The following UBASH3B variants were observed in gnomAD, a reference collection of about 807,000 sequenced individuals.
The protein encoded by UBASH3B is ubiquitin associated and SH3 domain containing B, also known as ubiquitin-associated and SH3 domain-containing protein B.
In UBASH3B, 37 loss-of-function variants were observed where a neutral mutation model predicts 83.4. The ratio of observed to expected loss-of-function variants is 0.44; its 90% confidence interval spans 0.34 to 0.58. The LOEUF is 0.58. UBASH3B is among the 20% of genes least tolerant of loss of function. UBASH3B has a pLI of 0.01. For synonymous variants in UBASH3B, 304 were observed against 318.3 expected (o/e 0.96, Z 0.48); for missense variants, 657 against 827.2 (o/e 0.79, Z 2.52).
intron 1 of UBASH3B, among the ~76,000 whole-genome samples, chr11:122,748,206 C>G (rs1179566971): frequency 6.6e-6 from 1 of 152,232 alleles, no homozygotes; most frequent in African/African-American, 2.4e-5. Context: ...CCAAACAAAT[C>G]GGTGTGGACA....
chr11:122,677,930 C>T (rs1413951952), intron 1 of UBASH3B, among the ~76,000 whole-genome samples: 1 of 152,184 alleles, frequency 6.6e-6, no homozygotes, highest in Non-Finnish European at 1.5e-5. Context: ...CACCACCACA[C>T]CCAGCTCCCA....
intron 1 of UBASH3B, among the ~76,000 whole-genome samples, chr11:122,762,433 G>C (rs1266327646): frequency 6.6e-6 from 1 of 152,138 alleles, no homozygotes; most frequent in African/African-American, 2.4e-5. Flanking sequence ...GCCTGACTGT[G>C]GACACCAGCT....
chr11:122,767,466 A>C (rs1166596201), intron 1 of UBASH3B, among the ~76,000 whole-genome samples: 1 of 151,916 alleles, frequency 6.6e-6, no homozygotes, highest in Non-Finnish European at 1.5e-5. Flanking sequence ...ATGTGCCACC[A>C]TGCGTGGCCA....
intron 1 of UBASH3B, among the ~76,000 whole-genome samples, chr11:122,728,249 G>A (rs1269323663): frequency 1.3e-5 from 2 of 151,172 alleles, no homozygotes; most frequent in Admixed American, 1.3e-4. Flanking sequence ...AGCCGTCCAC[G>A]TCATTTCTGT....
At position 122,806,845 on chromosome 11, in the gene UBASH3B, G is replaced by A. The variant is rs1861349212; in HGVS notation, c.1702+329G>A. On this transcript the variant is annotated intron_variant, in intron 12 of 13. Transcript: ENST00000284273. This position sits in a 1 kb window ranked among gnomAD's most constrained non-coding sequence, Gnocchi z 4.0. ...CACTGTTTTGCCTATAATTGATGCA[G>A]CGGCATGCACACCTACACACAGCAC... Among the ~76,000 whole-genome samples, 1 of 152,124 alleles carries A rather than the reference G, an allele frequency of 6.6e-6. No homozygotes were observed. The highest frequency in any genetic ancestry group is 2.1e-4 in the South Asian group (1 of 4,826).
intron 1 of UBASH3B, among the ~76,000 whole-genome samples, chr11:122,736,189 T>G (rs1860928998): frequency 6.6e-6 from 1 of 151,902 alleles, no homozygotes; most frequent in Non-Finnish European, 1.5e-5. Flanking sequence ...TCTTGTTATT[T>G]CAGCTTTGTG....
At chr11:122,772,605 T>TC (rs1860664461) in intron 1 of UBASH3B, among the ~76,000 whole-genome samples, 1 of 152,034 alleles carries the variant, frequency 6.6e-6, no homozygotes, top group African/African-American at 2.4e-5. Context: ...TCCTTCAAGG[T>TC]CATGAGAGAT....
At position 122,779,589 on chromosome 11, in the gene UBASH3B, G is replaced by C. The variant is rs1356607924; in HGVS notation, c.495G>C (p.Glu165Asp). Reference protein sequence around the residue: ...KCKFSAPLPLELYTSSNFIGL... With the variant: ...KCKFSAPLPLDLYTSSNFIGL... Reference sequence around the variant, plus strand: ...AGTTCTCGGCCCCGCTGCCCCTGGAGCTCTATACGTCGTCCAACTTCATCG... The same window carrying C: ...AGTTCTCGGCCCCGCTGCCCCTGGACCTCTATACGTCGTCCAACTTCATCG... Residue 165 changes from glutamate to aspartate, a missense_variant, in exon 4 of 14, where the codon GAG (glutamate) becomes GAC (aspartate). Coordinates refer to ENST00000284273, the MANE Select transcript of UBASH3B (RefSeq NM_032873.5). The C allele has an allele frequency of 6.2e-7, 1 of 1,614,198 alleles. No individual in the cohort carries two copies. The highest frequency in any genetic ancestry group is 8.5e-7 in the Non-Finnish European group (1 of 1,180,036).
intron 6 of UBASH3B, 115 bp downstream of exon 6, chr11:122,789,423 C>A: frequency 1.7e-6 from 2 of 1,146,654 alleles, no homozygotes; most frequent in South Asian, 1.4e-5. Flanking sequence ...CCTGTGGATT[C>A]CAGAATTCCA....
At chr11:122,809,712 C>T in intron 13 of UBASH3B, 37 bp from the exon 14 acceptor site, 1 of 1,611,224 alleles carries the variant, frequency 6.2e-7, no homozygotes, top group Non-Finnish European at 8.5e-7. Flanking sequence ...TTAAACCTAT[C>T]TCCTAATATC....
chr11:122,657,253 AT>A (rs1336969137), intron 1 of UBASH3B, among the ~76,000 whole-genome samples: 1 of 151,294 alleles, frequency 6.6e-6, no homozygotes, highest in Non-Finnish European at 1.5e-5. Flanking sequence ...AGTCCTTTTT[AT>A]TTTTTTCCCT....
intron 1 of UBASH3B, among the ~76,000 whole-genome samples, chr11:122,730,485 G>A (rs1409545407): frequency 6.6e-6 from 1 of 152,086 alleles, no homozygotes; most frequent in Non-Finnish European, 1.5e-5. Context: ...ACCCAGAGAG[G>A]CCTATCCTAA....
intron 5 of UBASH3B, among the ~76,000 whole-genome samples, chr11:122,788,485 C>T (rs185991229): frequency 1.5e-4 from 23 of 152,270 alleles, no homozygotes; most frequent in Admixed American, 2.6e-4. Context: ...AAGAGAATCA[C>T]TTGAACCCAG....
intron 1 of UBASH3B, among the ~76,000 whole-genome samples, chr11:122,741,013 G>A (rs990220661): frequency 6.6e-6 from 1 of 152,114 alleles, no homozygotes; most frequent in Admixed American, 6.6e-5. Flanking sequence ...ACTTCAAAGC[G>A]CATATTAACA....
In UBASH3B at chr11:122,811,437, A is replaced by G. The variant is rs892904845; in HGVS notation, c.*1551A>G. 1.3e-5 allele frequency: 2 copies of G among 152,204 alleles called. No homozygotes were observed. Among genetic ancestry groups the G allele is most frequent in the Admixed American group, 1.3e-4 (2 of 15,278 alleles). The allele number at this position is 152,204 out of a possible 1,614,324, so 9.4% of individuals were successfully genotyped here. ...TACAACTTGATAACCCCTAGAAAGA[A>G]GAGGACATGAAAGGATGCTGGCTAT... On this transcript the variant is annotated 3_prime_UTR_variant, in exon 14 of 14. Coordinates refer to ENST00000284273, the MANE Select transcript of UBASH3B (RefSeq NM_032873.5).
intron 1 of UBASH3B, among the ~76,000 whole-genome samples, chr11:122,691,847 G>C (rs1162518818): frequency 1.3e-5 from 2 of 152,130 alleles, no homozygotes; most frequent in Non-Finnish European, 2.9e-5. Context: ...TGTGTTTTGG[G>C]CAGGGTTTGC....
Position 122,783,215 on chromosome 11 carries a change from A to C in UBASH3B, c.764A>C (p.Asn255Thr). 6.2e-7 allele frequency: 1 copy of C among 1,613,662 alleles called. No individual in the cohort carries two copies. The highest frequency in any genetic ancestry group is 8.5e-7 in the Non-Finnish European group (1 of 1,179,742). Residue 255 changes from asparagine to threonine, a missense_variant, in exon 5 of 14, where the codon AAC (asparagine) becomes ACC (threonine). Physicochemically the swap from Asn to Thr is moderately conservative, Grantham distance 65. This residue lies in a region of UBASH3B where 573 missense variants were observed against 739.0 expected (regional missense o/e 0.78). Transcript: ENST00000284273. ...TIFSRDIRFA[N>T]HETLQVIYPY... Reference sequence around the variant, plus strand: ...TTTTCTCGGGATATCCGATTTGCTAACCATGAGGTAATGTCTCACTGTGGT... The same window carrying C: ...TTTTCTCGGGATATCCGATTTGCTACCCATGAGGTAATGTCTCACTGTGGT...
chr11:122,733,627 C>T (rs1300002891), intron 1 of UBASH3B, among the ~76,000 whole-genome samples: 1 of 152,218 alleles, frequency 6.6e-6, no homozygotes, highest in Non-Finnish European at 1.5e-5. Flanking sequence ...TTGATGTATT[C>T]ATTCCACACA....
rs201871388 is a variant in UBASH3B at position 122,794,820 on chromosome 11, T to A, written c.1099T>A (p.Cys367Ser). The A allele has an allele frequency of 9.3e-5, 150 of 1,613,866 alleles. No homozygotes were observed. The highest frequency in any genetic ancestry group is 6.8e-4 in the Middle Eastern group (4 of 5,852). The change falls in exon 7 of 14, where the codon TGC becomes AGC. Residue 367 changes from cysteine to serine, a missense_variant. Physicochemically the swap from Cys to Ser is moderately radical, Grantham distance 112. Transcript: ENST00000284273. The stretch of plus-strand genomic sequence containing the variant: ...GGAGACGACTCCTCTTACTATCATC[T>A]GCCAGCCCATGCAGGTAAGGCTGAT... ...LGETTPLTII[C>S]QPMQPLRVNS...
Sources: gnomAD v4.1 joint callset for allele counts (sites outside exome capture counted in the v4.1 genomes callset) on GRCh38, gnomAD v4.1.1 for gene constraint, gnomAD v4.1.1 regional missense constraint, Gnocchi (gnomAD v3.1) non-coding constraint, MANE v1.5 for transcripts, NCBI Gene and HGNC (gene_info 2026-07-23, HGNC 2026-07-21) for gene names.